The following MS4A18 variants were observed in gnomAD, a reference collection of about 807,000 sequenced individuals.
MS4A18 encodes the protein membrane-spanning 4-domains subfamily A member 18.
A neutral mutation model predicts 13.1 loss-of-function variants in MS4A18; 27 were observed. The ratio of observed to expected loss-of-function variants is 2.06; its 90% CI spans 1.52 to 2.84. The LOEUF (loss-of-function observed/expected upper bound fraction) is 2.84. MS4A18 is among the 30% of genes most tolerant of loss of function. The pLI is 0.00. For missense variants in MS4A18, 307 were observed against 196.4 expected (o/e 1.56, Z -3.37); for synonymous variants, 126 against 76.5 (o/e 1.65, Z -3.38).
intron 1 of MS4A18, among the ~76,000 whole-genome samples, chr11:60,731,553 T>C (rs979912815): frequency 5.3e-5 from 8 of 152,214 alleles, no homozygotes; most frequent in African/African-American, 1.4e-4. Context: ...ATTATAACTT[T>C]CGCCTTGCTC....
chr11:60,728,427 TG>T (rs1853197279), upstream of MS4A18, among the ~76,000 whole-genome samples: 1 of 151,680 alleles, frequency 6.6e-6, no homozygotes. Flanking sequence ...TGTGTGTGTG[TG>T]TGTATCTGTG....
At chr11:60,732,133 T>C (rs1853263607) in intron 1 of MS4A18, among the ~76,000 whole-genome samples, 1 of 152,058 alleles carries the variant, frequency 6.6e-6, no homozygotes, top group African/African-American at 2.4e-5. Flanking sequence ...CAGTGGTAAA[T>C]GCTGTAGGAG....
intron 1 of MS4A18, among the ~76,000 whole-genome samples, chr11:60,733,017 C>G (rs1399821438): frequency 6.6e-6 from 1 of 152,224 alleles, no homozygotes; most frequent in Admixed American, 6.5e-5. Context: ...TCAGATTCAT[C>G]ACATGAATTT....
chr11:60,739,943 C>T (rs71488492), intron 4 of MS4A18, among the ~76,000 whole-genome samples: 461 of 152,356 alleles, frequency 3.0e-3, no homozygotes, highest in Non-Finnish European at 5.4e-3. Flanking sequence ...TTAAACCAGA[C>T]ATGTCTACAG....
intron 4 of MS4A18, among the ~76,000 whole-genome samples, chr11:60,740,434 T>C (rs1420284845): frequency 6.6e-6 from 1 of 152,078 alleles, no homozygotes; most frequent in African/African-American, 2.4e-5. Context: ...TCCCAACCTG[T>C]CAAGGGCAGT....
intron 5 of MS4A18, among the ~76,000 whole-genome samples, chr11:60,741,349 C>T (rs1233832090): frequency 6.6e-6 from 1 of 152,174 alleles, no homozygotes; most frequent in Non-Finnish European, 1.5e-5. Flanking sequence ...GGGCTATGAT[C>T]AGTGGGTAGC....
At chr11:60,738,943 C>G in exon 4 of MS4A18, 1 of 703,310 alleles carries the variant, frequency 1.4e-6, no homozygotes, top group Non-Finnish European at 2.6e-6. Flanking sequence ...GCGCACTCTT[C>G]GCCTTTGCCG....
intron 2 of MS4A18, among the ~76,000 whole-genome samples, chr11:60,736,605 T>C (rs1416089360): frequency 1.3e-5 from 2 of 152,118 alleles, no homozygotes; most frequent in African/African-American, 4.8e-5. Context: ...CAGTTGAGGA[T>C]AGGGCAGCGG....
intron 1 of MS4A18, among the ~76,000 whole-genome samples, chr11:60,731,042 C>A (rs1021019325): frequency 1.1e-4 from 16 of 151,728 alleles, no homozygotes; most frequent in African/African-American, 3.6e-4. Context: ...TGCAGTGAGC[C>A]GAGACAGCGC....
In MS4A18 at chr11:60,729,834, C is replaced by G. The variant is rs554083905; in HGVS notation, c.477+42C>G. 4.6e-6 allele frequency: 3 copies of G among 658,526 alleles called. No individual in the cohort carries two copies. In the East Asian group the frequency reaches 8.1e-5, roughly 18 times the overall value. The allele number at this position is 658,526 out of a possible 1,614,324, so 40.8% of individuals were successfully genotyped here. On this transcript the variant is annotated intron_variant, in intron 1 of 5. Coordinates refer to ENST00000529108, the Ensembl canonical transcript of MS4A18. Reference sequence around the variant, plus strand: ...TCCGATTTGGGTCACTTCATAAGCCCTCGTCTAGTGCTCTGGGATGAGGAA... The same window carrying G: ...TCCGATTTGGGTCACTTCATAAGCCGTCGTCTAGTGCTCTGGGATGAGGAA...
At chr11:60,738,299 C>T (rs1022241209) in intron 3 of MS4A18, among the ~76,000 whole-genome samples, 6 of 152,180 alleles carry the variant, frequency 3.9e-5, no homozygotes, top group Non-Finnish European at 7.4e-5. Context: ...TGAGAATTTC[C>T]GGTTCTGAAA....
chr11:60,738,865 A>T (rs1225605755), intron 3 of MS4A18, 37 bp from the exon 5 acceptor site: 1 of 701,452 alleles, frequency 1.4e-6, no homozygotes, highest in South Asian at 1.5e-5. Context: ...GACTCTTCAG[A>T]CTCGGCTCCC....
downstream of MS4A18, chr11:60,744,263 G>A (rs577827422): frequency 7.2e-5 from 30 of 415,818 alleles, no homozygotes; most frequent in South Asian, 6.1e-4. Flanking sequence ...TTTTGGTTCC[G>A]TGGTTCCTGA....
downstream of MS4A18, among the ~76,000 whole-genome samples, chr11:60,744,654 C>T (rs1853461004): frequency 6.6e-6 from 1 of 152,062 alleles, no homozygotes; most frequent in African/African-American, 2.4e-5. Context: ...ATAAAGAACT[C>T]TCTAAACTCA....
chr11:60,728,587 C>G (rs537353482), upstream of MS4A18, among the ~76,000 whole-genome samples: 62 of 150,364 alleles, frequency 4.1e-4, no homozygotes, highest in African/African-American at 1.5e-3. Flanking sequence ...GTGTGTCTGT[C>G]TGTCTGTGTC....
chr11:60,729,721 T>C (rs569287721), exon 1 of MS4A18: 1 of 702,724 alleles, frequency 1.4e-6, no homozygotes, highest in Non-Finnish European at 2.6e-6. Context: ...GTGGAACACG[T>C]CATTTGCATC....
chr11:60,738,936 C>T (rs1479304403), exon 4 of MS4A18: 9 of 703,258 alleles, frequency 1.3e-5, no homozygotes, highest in Non-Finnish European at 1.8e-5. Context: ...ATCATCAGCG[C>T]ACTCTTCGCC....
intron 1 of MS4A18, among the ~76,000 whole-genome samples, chr11:60,732,831 G>A (rs746911382): frequency 6.6e-6 from 1 of 151,996 alleles, no homozygotes; most frequent in Admixed American, 6.6e-5. Flanking sequence ...CTGCAAGCTG[G>A]ATACTGTTAC....
intron 2 of MS4A18, among the ~76,000 whole-genome samples, chr11:60,736,332 A>C (rs1412775868): frequency 6.8e-6 from 1 of 147,320 alleles, no homozygotes; most frequent in Admixed American, 6.9e-5. Context: ...TGAGGATGAC[A>C]CCACCACATC....
Sources: allele counts gnomAD v4.1 joint callset (sites outside exome capture counted in the v4.1 genomes callset), GRCh38; gene constraint gnomAD v4.1.1; transcripts MANE v1.5; gene names NCBI Gene and HGNC (gene_info 2026-07-23, HGNC 2026-07-21).